The following B3GALT5 variants were observed in gnomAD, a reference collection of about 807,000 sequenced individuals.
The protein encoded by B3GALT5 is beta-1,3-galactosyltransferase 5.
For synonymous variants in B3GALT5, 156 were observed against 158.6 expected, an observed-to-expected ratio of 0.98 and a Z score of 0.12; for missense variants, 328 against 396.6, an observed-to-expected ratio of 0.83 and a Z score of 1.47.
chr21:39,658,856 G>T (rs1032370036), intron 2 of B3GALT5, among the ~76,000 whole-genome samples: 2 of 93,520 alleles, frequency 2.1e-5, no homozygotes, highest in African/African-American at 6.6e-5. Flanking sequence ...GTTCTAGAAA[G>T]CTCCATTATT....
chr21:39,661,261 G>C lies in B3GALT5; in HGVS notation c.702G>C (p.Lys234Asn). Residue 234 changes from lysine (K) to asparagine (N), a missense_variant, in exon 4 of 4, where the codon AAG becomes AAC. Coordinates refer to ENST00000684187, the MANE Select transcript of B3GALT5 (RefSeq NM_001356336.2). This position sits in a 1 kb window ranked among gnomAD's most constrained non-coding sequence, Gnocchi z 4.7. ...DVASQVYNVSKSVPYIKLEDV... is the reference protein window; with the variant it reads ...DVASQVYNVSNSVPYIKLEDV... ...CGAGTCAGGTGTACAATGTCTCCAA[G>C]AGCGTCCCATACATTAAACTGGAAG... 2 of 1,614,186 alleles carry C rather than the reference G, an allele frequency of 1.2e-6. No homozygotes were observed. The highest frequency in any genetic ancestry group is 1.7e-6 in the Non-Finnish European group (2 of 1,180,058).
rs2079548033 is a variant in B3GALT5, at chr21:39,663,444, T to TCCCCTCC, written c.*1955_*1961dup. On this transcript the variant is annotated 3_prime_UTR_variant, in exon 4 of 4. Coordinates refer to ENST00000684187, the MANE Select transcript of B3GALT5 (RefSeq NM_001356336.2). Reference sequence around the variant, plus strand: ...TTTCTTTGAGACCCATTGTTTCCCCTCCCCTCCCCTCCCCTCCCATCCCCT... The same window carrying TCCCCTCC: ...TTTCTTTGAGACCCATTGTTTCCCCTCCCCTCCCCCCTCCCCTCCCCTCCCATCCCCT... 1 of 146,546 alleles carries TCCCCTCC rather than the reference T, an allele frequency of 6.8e-6. No individual in the cohort carries two copies. Among genetic ancestry groups the TCCCCTCC allele is most frequent in the Non-Finnish European group, 1.5e-5 (1 of 67,468 alleles). 9.1% of individuals were successfully genotyped at this position (146,546 alleles called of 1,614,324 possible). A position where few individuals can be genotyped will look rare whatever the true frequency, so the allele number is the denominator to read the frequency against.
intron 1 of B3GALT5, among the ~76,000 whole-genome samples, chr21:39,641,788 C>G (rs1175348485): frequency 6.6e-6 from 1 of 152,182 alleles, no homozygotes; most frequent in Non-Finnish European, 1.5e-5. Context: ...ATAATACATG[C>G]TCTCTTTCTC....
Position 39,659,930 on chromosome 21 carries a change from T to G in B3GALT5, c.-1+18T>G, listed in dbSNP as rs1290489805. 2.0e-6 allele frequency: 2 copies of G among 983,728 alleles called. No homozygotes were observed. The highest frequency in any genetic ancestry group is 3.5e-5 in the African/African-American group (2 of 57,172). 60.9% of individuals were successfully genotyped at this position (983,728 alleles called of 1,614,324 possible). A position where few individuals can be genotyped will look rare whatever the true frequency, so the allele number is the denominator to read the frequency against. On this transcript the variant is annotated intron_variant, in intron 3 of 3. Coordinates refer to ENST00000684187, the MANE Select transcript of B3GALT5 (RefSeq NM_001356336.2). The stretch of plus-strand genomic sequence containing the variant: ...AGCAAAAAGTGAGTTATACGCTTTC[T>G]TAATGTTATAACGTTACCATGGATG...
intron 2 of B3GALT5, among the ~76,000 whole-genome samples, chr21:39,650,505 T>C (rs145822442): frequency 2.0e-4 from 31 of 152,220 alleles, no homozygotes; most frequent in African/African-American, 7.2e-4. Flanking sequence ...CAGTTCTTGG[T>C]TGAGCTGCCA....
At chr21:39,614,429 G>C (rs2079096911) in intron 1 of B3GALT5, among the ~76,000 whole-genome samples, 1 of 152,208 alleles carries the variant, frequency 6.6e-6, no homozygotes, top group South Asian at 2.1e-4. Flanking sequence ...ATGCAAATCG[G>C]AAAGAGATGT....
intron 1 of B3GALT5, among the ~76,000 whole-genome samples, chr21:39,613,875 T>G (rs2079093784): frequency 6.6e-6 from 1 of 152,284 alleles, no homozygotes; most frequent in Non-Finnish European, 1.5e-5. Flanking sequence ...TGGTCCTTTA[T>G]GTTAGCATAG....
At chr21:39,642,792 T>C (rs2079300465) in intron 1 of B3GALT5, among the ~76,000 whole-genome samples, 2 of 151,790 alleles carry the variant, frequency 1.3e-5, no homozygotes, top group South Asian at 4.2e-4. Flanking sequence ...TCCCAGCACA[T>C]TGGGAGGCTG....
At position 39,666,739 on chromosome 21, in the gene B3GALT5, A is replaced by G. The variant is rs2079581810; in HGVS notation, c.*5247A>G. 6.6e-6 allele frequency: 1 copy of G among 152,284 alleles called. No individual in the cohort carries two copies. 9.4% of individuals were successfully genotyped at this position (152,284 alleles called of 1,614,324 possible). A position where few individuals can be genotyped will look rare whatever the true frequency, so the allele number is the denominator to read the frequency against. On this transcript the variant is annotated 3_prime_UTR_variant, in exon 4 of 4. Transcript: ENST00000684187. ...ATTTAATTCCTGCTCCTCTTCAAAC[A>G]CACCATTGTAACCACATAATACACT...
chr21:39,615,267 C>T (rs1049702194), intron 1 of B3GALT5, among the ~76,000 whole-genome samples: 5 of 152,198 alleles, frequency 3.3e-5, no homozygotes, highest in Non-Finnish European at 1.5e-5. Flanking sequence ...GTTTTGACAA[C>T]ACTTCTTTGC....
chr21:39,644,932 C>T (rs765336407), intron 1 of B3GALT5, among the ~76,000 whole-genome samples: 1 of 152,206 alleles, frequency 6.6e-6, no homozygotes, highest in South Asian at 2.1e-4. Flanking sequence ...GACTGGCTCA[C>T]CCCCCTTTCT....
intron 2 of B3GALT5, among the ~76,000 whole-genome samples, chr21:39,646,927 C>T (rs537909770): frequency 1.3e-5 from 2 of 152,032 alleles, no homozygotes; most frequent in African/African-American, 4.8e-5. Flanking sequence ...ATAGCAAAAC[C>T]CCATCTCTAG....
At chr21:39,625,215 A>G (rs777002806) in intron 1 of B3GALT5, among the ~76,000 whole-genome samples, 19 of 152,200 alleles carry the variant, frequency 1.2e-4, no homozygotes, top group Non-Finnish European at 2.4e-4. Context: ...TCCATCAGGT[A>G]GAGGGAGGAG....
At chr21:39,635,010 T>C (rs1212490790) in intron 1 of B3GALT5, among the ~76,000 whole-genome samples, 1 of 152,150 alleles carries the variant, frequency 6.6e-6, no homozygotes, top group Non-Finnish European at 1.5e-5. Flanking sequence ...AATGTCCCAC[T>C]GTGAAATCAG....
intron 2 of B3GALT5, among the ~76,000 whole-genome samples, chr21:39,650,596 G>A (rs930792350): frequency 2.0e-5 from 3 of 152,126 alleles, no homozygotes; most frequent in Admixed American, 6.5e-5. Flanking sequence ...CCAAGGGGAC[G>A]CCACAAGCAC....
chr21:39,614,916 G>A (rs966965256), intron 1 of B3GALT5, among the ~76,000 whole-genome samples: 1 of 152,180 alleles, frequency 6.6e-6, no homozygotes, highest in Non-Finnish European at 1.5e-5. Flanking sequence ...AGCTGCCTGG[G>A]CTTTATCAGC....
Position 39,665,494 on chromosome 21 carries a change from T to C in B3GALT5, c.*4002T>C, listed in dbSNP as rs1338298497. The C allele has an allele frequency of 6.6e-6, 1 of 152,324 alleles. No homozygotes were observed. Among genetic ancestry groups the C allele is most frequent in the Non-Finnish European group, 1.5e-5 (1 of 68,116 alleles). 9.4% of individuals were successfully genotyped at this position (152,324 alleles called of 1,614,324 possible). ...AAACCACATCCTTCATACCATTGTCTACCTGTGATTCCCTAATCGTGTCCC... is the reference window on the plus strand; with the variant it reads ...AAACCACATCCTTCATACCATTGTCCACCTGTGATTCCCTAATCGTGTCCC... On this transcript the variant is annotated 3_prime_UTR_variant, in exon 4 of 4. Coordinates refer to ENST00000684187, the MANE Select transcript of B3GALT5 (RefSeq NM_001356336.2).
intron 1 of B3GALT5, among the ~76,000 whole-genome samples, chr21:39,622,188 T>C (rs2079137562): frequency 6.6e-6 from 1 of 152,116 alleles, no homozygotes. Context: ...TTCTCCAGTA[T>C]GTTTTTATTG....
intron 2 of B3GALT5, among the ~76,000 whole-genome samples, chr21:39,656,997 C>T (rs547777917): frequency 7.2e-5 from 11 of 152,264 alleles, no homozygotes; most frequent in South Asian, 4.1e-4. Flanking sequence ...AGGCAGAGGG[C>T]GGGAGCCAGC....
Sources: gnomAD v4.1 joint callset for allele counts (sites outside exome capture counted in the v4.1 genomes callset) on GRCh38, gnomAD v4.1.1 for gene constraint, Gnocchi (gnomAD v3.1) non-coding constraint, MANE v1.5 for transcripts, NCBI Gene and HGNC (gene_info 2026-07-23, HGNC 2026-07-21) for gene names.